CLYBL: variants seen among roughly 807,000 people sequenced by gnomAD.
CLYBL encodes the protein citramalyl-CoA lyase, mitochondrial.
In CLYBL, 31 loss-of-function variants were observed where a neutral mutation model predicts 38.9. The observed-to-expected ratio is 0.80, with a 90% confidence interval of 0.60 to 1.08. CLYBL has a LOEUF of 1.08. CLYBL is among the 50% of genes least tolerant of loss of function. The pLI is 0.00. For synonymous variants in CLYBL, 171 were observed against 158.6 expected, an observed-to-expected ratio of 1.08 and a Z score of -0.59; for missense variants, 434 against 411.6, an observed-to-expected ratio of 1.05 and a Z score of -0.47.
At chr13:99,753,982 G>A (rs2049004589) in intron 1 of CLYBL, among the ~76,000 whole-genome samples, 1 of 149,168 alleles carries the variant, frequency 6.7e-6, no homozygotes, top group Non-Finnish European at 1.5e-5. Context: ...AGCTACTCAG[G>A]AGGCTGAGGC....
At chr13:99,831,388 AT>A (rs1242939558) in intron 2 of CLYBL, among the ~76,000 whole-genome samples, 35 of 152,286 alleles carry the variant, frequency 2.3e-4, no homozygotes, top group Admixed American at 4.6e-4. Flanking sequence ...AATAATAAGA[AT>A]AAAAGAACTC....
chr13:99,866,647 T>C (rs1193941717), intron 6 of CLYBL, among the ~76,000 whole-genome samples: 1 of 151,618 alleles, frequency 6.6e-6, no homozygotes, highest in Non-Finnish European at 1.5e-5. Flanking sequence ...CTTTTTTTTT[T>C]TTCTCTCCAT....
intron 1 of CLYBL, among the ~76,000 whole-genome samples, chr13:99,628,167 G>A (rs2046895606): frequency 6.6e-6 from 1 of 152,174 alleles, no homozygotes; most frequent in African/African-American, 2.4e-5. Flanking sequence ...TGATTGGAAT[G>A]TGAAATTTAA....
intron 1 of CLYBL, among the ~76,000 whole-genome samples, chr13:99,712,573 C>T (rs2048252806): frequency 6.6e-6 from 1 of 151,762 alleles, no homozygotes; most frequent in Non-Finnish European, 1.5e-5. Context: ...GTCTCCAAGT[C>T]TGGAGCTCAA....
At chr13:99,701,138 T>A (rs989745786) in intron 1 of CLYBL, among the ~76,000 whole-genome samples, 1 of 152,180 alleles carries the variant, frequency 6.6e-6, no homozygotes, top group Admixed American at 6.5e-5. Context: ...ACCAAGTCTC[T>A]AAATAATCTC....
intron 1 of CLYBL, among the ~76,000 whole-genome samples, chr13:99,741,025 G>A (rs892985925): frequency 1.3e-5 from 2 of 152,218 alleles, no homozygotes; most frequent in African/African-American, 4.8e-5. Context: ...ACAAATTGAA[G>A]TACAGACTTC....
intron 2 of CLYBL, among the ~76,000 whole-genome samples, chr13:99,807,398 C>A (rs2050253024): frequency 6.6e-6 from 1 of 152,212 alleles, no homozygotes; most frequent in Admixed American, 6.5e-5. Flanking sequence ...ATGTTCCTGG[C>A]AGCATTATTC....
intron 1 of CLYBL, among the ~76,000 whole-genome samples, chr13:99,727,895 T>C (rs564406920): frequency 6.6e-6 from 1 of 152,160 alleles, no homozygotes; most frequent in East Asian, 1.9e-4. Context: ...CTGGCCAACA[T>C]GGTGAAATCC....
intron 1 of CLYBL, among the ~76,000 whole-genome samples, chr13:99,728,487 C>T (rs2048523151): frequency 6.6e-6 from 1 of 151,812 alleles, no homozygotes; most frequent in African/African-American, 2.4e-5. Context: ...ACTGTGTTAG[C>T]CAGGATGTTC....
intron 1 of CLYBL, among the ~76,000 whole-genome samples, chr13:99,677,858 G>A (rs952371613): frequency 6.6e-6 from 1 of 152,188 alleles, no homozygotes; most frequent in Non-Finnish European, 1.5e-5. Flanking sequence ...CACTGCTACA[G>A]AGTGAGAGGA....
chr13:99,764,932 T>G (rs1021316913), intron 1 of CLYBL, among the ~76,000 whole-genome samples: 3 of 152,182 alleles, frequency 2.0e-5, no homozygotes, highest in African/African-American at 7.2e-5. Flanking sequence ...CAGGCAATCC[T>G]GCTGCCTCGA....
intron 1 of CLYBL, among the ~76,000 whole-genome samples, chr13:99,666,533 A>T (rs2047484298): frequency 6.6e-6 from 1 of 151,656 alleles, no homozygotes; most frequent in South Asian, 2.1e-4. Context: ...TTAAATTGTT[A>T]TTTCGAGCCA....
At chr13:99,690,401 C>G (rs1006297482) in intron 1 of CLYBL, 1 of 152,192 alleles carries the variant, frequency 6.6e-6, no homozygotes, top group Non-Finnish European at 1.5e-5. Flanking sequence ...TTCCTCTCTA[C>G]TTCTCTTCCC....
intron 1 of CLYBL, among the ~76,000 whole-genome samples, chr13:99,772,052 A>AT (rs752894758): frequency 2.6e-5 from 4 of 151,848 alleles, no homozygotes; most frequent in Non-Finnish European, 5.9e-5. Context: ...TGAATCACCA[A>AT]TTTTCACCCT....
At chr13:99,805,718 G>T (rs1428495147) in intron 2 of CLYBL, among the ~76,000 whole-genome samples, 1 of 152,078 alleles carries the variant, frequency 6.6e-6, no homozygotes, top group African/African-American at 2.4e-5. Flanking sequence ...AGTCTTGTCA[G>T]GTACTTAACA....
chr13:99,746,355 A>ATTTT (rs34410635), intron 1 of CLYBL, among the ~76,000 whole-genome samples: 5 of 144,522 alleles, frequency 3.5e-5, no homozygotes, highest in African/African-American at 1.3e-4. Context: ...TTTAAATACT[A>ATTTT]TTTTTTTTTT....
At chr13:99,817,681 AAAAAG>A (rs1434276247) in intron 2 of CLYBL, among the ~76,000 whole-genome samples, 1 of 151,286 alleles carries the variant, frequency 6.6e-6, no homozygotes, top group Non-Finnish European at 1.5e-5. Context: ...AAAGAAAAGA[AAAAAG>A]AAAAGCACTG....
intron 1 of CLYBL, among the ~76,000 whole-genome samples, chr13:99,661,310 ACTC>A (rs1188798202): frequency 2.0e-5 from 3 of 151,840 alleles, no homozygotes; most frequent in African/African-American, 7.3e-5. Context: ...AGAACTTTTT[ACTC>A]TTACTGTAGT....
chr13:99,848,741 T>A (rs2051263962), intron 2 of CLYBL, among the ~76,000 whole-genome samples: 1 of 152,202 alleles, frequency 6.6e-6, no homozygotes, highest in South Asian at 2.1e-4. Flanking sequence ...AATTCTAACT[T>A]TGCCCCTCTG....
Sources: allele counts gnomAD v4.1 joint callset (sites outside exome capture counted in the v4.1 genomes callset), GRCh38; gene constraint gnomAD v4.1.1; transcripts MANE v1.5; gene names NCBI Gene and HGNC (gene_info 2026-07-23, HGNC 2026-07-21).